UBE2B: variants seen among roughly 807,000 people sequenced by gnomAD.
UBE2B encodes ubiquitin-conjugating enzyme E2 B.
UBE2B carries 11 observed loss-of-function variants against 24.6 expected under a neutral mutation model. That is an observed-to-expected ratio of 0.45 (90% CI 0.28 to 0.74). The LOEUF (loss-of-function observed/expected upper bound fraction) is 0.74, where lower values mean the gene tolerates loss of function less well. Among genes scored for constraint, UBE2B ranks in the 30% least tolerant of loss-of-function variants. UBE2B has a pLI of 0.13. For synonymous variants in UBE2B, 68 were observed against 62.4 expected (o/e 1.09, Z -0.42); for missense variants, 78 against 185.6 (o/e 0.42, Z 3.37).
intron 4 of UBE2B, among the ~76,000 whole-genome samples, chr5:134,387,784 A>AT (rs975391326): frequency 6.6e-6 from 1 of 151,666 alleles, no homozygotes; most frequent in Admixed American, 6.6e-5. Flanking sequence ...ATGGCAATTA[A>AT]TTTTTTTTTA....
intron 3 of UBE2B, 27 bp from the exon 4 acceptor site, chr5:134,380,692 A>G: frequency 7.6e-7 from 1 of 1,321,276 alleles, no homozygotes; most frequent in Non-Finnish European, 1.1e-6. Context: ...GCTTGTCTTT[A>G]CTATAATTAT....
chr5:134,380,230 A>AT (rs1758686751), intron 3 of UBE2B, among the ~76,000 whole-genome samples: 1 of 151,730 alleles, frequency 6.6e-6, no homozygotes, highest in Admixed American at 6.6e-5. Context: ...TTTAATGAAG[A>AT]TTTTCTGAGT....
At chr5:134,380,940 C>T (rs1295657940) in intron 4 of UBE2B, 132 bp downstream of exon 4, 9 of 347,816 alleles carry the variant, frequency 2.6e-5, no homozygotes, top group African/African-American at 5.2e-5. Context: ...ATGTGAGCCA[C>T]GTATTTTGTT....
At chr5:134,386,217 A>T (rs1433491873) in intron 4 of UBE2B, among the ~76,000 whole-genome samples, 2 of 148,702 alleles carry the variant, frequency 1.3e-5, no homozygotes, top group East Asian at 2.0e-4. Context: ...GATCCCAGCT[A>T]CTCGGGAGGC....
chr5:134,376,630 T>G (rs755753300), intron 2 of UBE2B, 39 bp from the exon 3 acceptor site: 3 of 1,607,442 alleles, frequency 1.9e-6, no homozygotes, highest in African/African-American at 2.7e-5. Flanking sequence ...AAAAGCAGAA[T>G]GAGAAACTTC....
chr5:134,371,685 G>A, intron 1 of UBE2B, 46 bp downstream of exon 1: 1 of 1,612,104 alleles, frequency 6.2e-7, no homozygotes, highest in Non-Finnish European at 8.5e-7. Context: ...TCAAAGCTGC[G>A]GGGCTGCAGG....
intron 1 of UBE2B, among the ~76,000 whole-genome samples, chr5:134,372,306 C>G (rs1333404251): frequency 4.6e-5 from 7 of 152,150 alleles, no homozygotes; most frequent in Admixed American, 4.6e-4. Flanking sequence ...GAAGAAAGCC[C>G]CTATCTATAG....
chr5:134,384,592 G>A (rs751679501), intron 4 of UBE2B, among the ~76,000 whole-genome samples: 5 of 152,120 alleles, frequency 3.3e-5, no homozygotes, highest in Admixed American at 2.0e-4. Flanking sequence ...AGAAACCACA[G>A]TGTATTTGGT....
chr5:134,387,545 G>A (rs1758827208), intron 4 of UBE2B, among the ~76,000 whole-genome samples: 1 of 152,170 alleles, frequency 6.6e-6, no homozygotes, highest in Admixed American at 6.5e-5. Context: ...AATAATAGTA[G>A]TTTGTTTGGC....
chr5:134,378,666 G>A (rs1758650528), intron 3 of UBE2B, among the ~76,000 whole-genome samples: 3 of 142,070 alleles, frequency 2.1e-5, no homozygotes, highest in Non-Finnish European at 4.7e-5. Flanking sequence ...ACAGTTGTTT[G>A]AGTTGCAATT....
chr5:134,381,434 GT>G (rs1327170726), intron 4 of UBE2B, among the ~76,000 whole-genome samples: 2 of 151,852 alleles, frequency 1.3e-5, no homozygotes, highest in African/African-American at 4.8e-5. Flanking sequence ...TTTTTTGTTT[GT>G]TTTCTTTTTC....
intron 5 of UBE2B, chr5:134,389,099 A>G (rs551881663): frequency 8.5e-6 from 2 of 235,208 alleles, no homozygotes; most frequent in East Asian, 3.1e-4. Flanking sequence ...CTATAGGCAC[A>G]TGCTACCACG....
intron 5 of UBE2B, chr5:134,388,955 T>G (rs1177536973): frequency 5.1e-5 from 18 of 349,804 alleles, no homozygotes; most frequent in African/African-American, 1.7e-4. Flanking sequence ...TGTTTTTTTT[T>G]TTTTTTTTTT....
rs1190025064 is a variant in UBE2B, at chr5:134,376,348, A to AATATATATATATAT, written c.126-317_126-304dup. 7.8e-3 allele frequency among the ~76,000 whole-genome samples: 37 copies of AATATATATATATAT among 4,772 alleles called. 2 individuals are homozygous for AATATATATATATAT. The highest frequency in any genetic ancestry group is 9.3e-3 in the African/African-American group (21 of 2,250). 3.1% of individuals were successfully genotyped at this position (4,772 alleles called of 152,430 possible). Reference sequence around the variant, plus strand: ...AAAAAAAAAAAAAAAAAAAAAAAAAAATATATATATATATATACACATATG... The same window carrying AATATATATATATAT: ...AAAAAAAAAAAAAAAAAAAAAAAAAAATATATATATATATATATATATATATATATACACATATG... On this transcript the variant is annotated intron_variant, in intron 2 of 5. Transcript: ENST00000265339.
chr5:134,381,547 C>T (rs1376339178), intron 4 of UBE2B, among the ~76,000 whole-genome samples: 1 of 152,176 alleles, frequency 6.6e-6, no homozygotes, highest in Non-Finnish European at 1.5e-5. Flanking sequence ...ACTGTGATTA[C>T]AGGAATGGGC....
Position 134,390,216 on chromosome 5 carries a change from T to C in UBE2B, c.331-9T>C. 2.5e-6 allele frequency: 4 copies of C among 1,613,964 alleles called. No individual in the cohort carries two copies. Among genetic ancestry groups the C allele is most frequent in the Non-Finnish European group, 3.4e-6 (4 of 1,179,936 alleles). ...ATGCAAATCTGTTTTTTCTTTTCTT[T>C]CCTCCTAGTCTCTGCTGGATGAACC... is the stretch of plus-strand genomic sequence containing the variant. On this transcript the variant is annotated splice_polypyrimidine_tract_variant and intron_variant, in intron 5 of 5. Coordinates refer to ENST00000265339, the MANE Select transcript of UBE2B (RefSeq NM_003337.4). The surrounding 1 kb of genome is among the most constrained non-coding windows in gnomAD (Gnocchi z 4.6).
At chr5:134,388,536 C>A in intron 5 of UBE2B, 123 bp downstream of exon 5, 1 of 856,012 alleles carries the variant, frequency 1.2e-6, no homozygotes, top group Non-Finnish European at 2.0e-6. Context: ...GCTAACTTTT[C>A]TCTTTCAGTA....
At chr5:134,373,474 C>CT (rs933837329) in intron 1 of UBE2B, among the ~76,000 whole-genome samples, 14 of 151,208 alleles carry the variant, frequency 9.3e-5, no homozygotes, top group South Asian at 6.3e-4. Context: ...TACATCAATT[C>CT]TTTTTTTTTA....
intron 4 of UBE2B, chr5:134,388,076 A>C: frequency 2.0e-6 from 1 of 494,732 alleles, no homozygotes; most frequent in Non-Finnish European, 3.7e-6. Flanking sequence ...AGTGTTCAGG[A>C]CTGGCGTGAG....
Sources: gnomAD v4.1 joint callset for allele counts (sites outside exome capture counted in the v4.1 genomes callset) on GRCh38, gnomAD v4.1.1 for gene constraint, Gnocchi (gnomAD v3.1) non-coding constraint, MANE v1.5 for transcripts, NCBI Gene and HGNC (gene_info 2026-07-23, HGNC 2026-07-21) for gene names.